Variants in UNC13C observed in about 807,000 individuals in gnomAD.
The protein encoded by UNC13C is protein unc-13 homolog C.
A neutral mutation model predicts 245.4 loss-of-function variants in UNC13C; 174 were observed. The observed-to-expected ratio is 0.71, with a 90% CI of 0.63 to 0.80. UNC13C has a LOEUF of 0.80. UNC13C is among the 30% of genes least tolerant of loss of function. The pLI is 0.00. For synonymous variants in UNC13C, 992 were observed against 895.1 expected, an observed-to-expected ratio of 1.11 and a Z score of -1.93; for missense variants, 2,829 against 2,602.9, an observed-to-expected ratio of 1.09 and a Z score of -1.89.
chr15:54,174,404 T>G (rs770677993), intron 4 of UNC13C, among the ~76,000 whole-genome samples: 1 of 152,190 alleles, frequency 6.6e-6, no homozygotes. Flanking sequence ...TCAACTTTCA[T>G]TTATTTGTGG....
chr15:53,874,961 GCA>G, the UNC13C span, among the ~76,000 whole-genome samples: 6 of 152,078 alleles, frequency 3.9e-5, no homozygotes, highest in East Asian at 5.8e-4. Flanking sequence ...GGGTGTGGTG[GCA>G]TGCACCTGAA....
At chr15:54,483,175 C>A (rs1385275067) in intron 19 of UNC13C, among the ~76,000 whole-genome samples, 1 of 152,142 alleles carries the variant, frequency 6.6e-6, no homozygotes, top group African/African-American at 2.4e-5. Flanking sequence ...AATAAGACAT[C>A]ATCTTACCAC....
At chr15:54,301,838 G>A (rs1404314598) in intron 13 of UNC13C, among the ~76,000 whole-genome samples, 1 of 152,028 alleles carries the variant, frequency 6.6e-6, no homozygotes, top group Non-Finnish European at 1.5e-5. Context: ...GGTATTTCTA[G>A]TTCTAGATCC....
chr15:53,848,024 C>G, the UNC13C span, among the ~76,000 whole-genome samples: 2 of 152,138 alleles, frequency 1.3e-5, no homozygotes, highest in East Asian at 1.9e-4. Context: ...TTCCTTATCA[C>G]CCTTATAATG....
chr15:54,625,748 A>G (rs1345386700), intron 32 of UNC13C, among the ~76,000 whole-genome samples: 2 of 152,150 alleles, frequency 1.3e-5, no homozygotes, highest in Non-Finnish European at 2.9e-5. Flanking sequence ...AAGGGTCCTA[A>G]TAGATCACAT....
chr15:53,903,722 C>T, the UNC13C span, among the ~76,000 whole-genome samples: 4 of 152,070 alleles, frequency 2.6e-5, no homozygotes, highest in South Asian at 2.1e-4. Context: ...AGTATCTTCT[C>T]GGAAAATTGG....
upstream of UNC13C, among the ~76,000 whole-genome samples, chr15:53,977,110 T>C (rs1389694974): frequency 2.0e-5 from 3 of 152,122 alleles, no homozygotes; most frequent in East Asian, 5.8e-4. Flanking sequence ...TCATTAGACC[T>C]TGAGCAGCTG....
intron 1 of UNC13C, among the ~76,000 whole-genome samples, chr15:54,010,621 T>C (rs1443785498): frequency 1.3e-5 from 2 of 152,006 alleles, no homozygotes; most frequent in Non-Finnish European, 2.9e-5. Flanking sequence ...TGACAGAAAA[T>C]AAGGCTGCTA....
At chr15:53,849,076 A>C in the UNC13C span, among the ~76,000 whole-genome samples, 2 of 151,594 alleles carry the variant, frequency 1.3e-5, no homozygotes, top group Admixed American at 6.6e-5. Flanking sequence ...TTTATATTTA[A>C]AGTGAATTTA....
At chr15:54,212,738 A>G (rs1326200879) in intron 4 of UNC13C, among the ~76,000 whole-genome samples, 2 of 152,116 alleles carry the variant, frequency 1.3e-5, no homozygotes, top group Non-Finnish European at 1.5e-5. Context: ...GACAGTCGCT[A>G]GCAGAGTTGA....
chr15:53,902,956 G>T, the UNC13C span, among the ~76,000 whole-genome samples: 1 of 152,194 alleles, frequency 6.6e-6, no homozygotes, highest in Admixed American at 6.5e-5. Context: ...AGGGACAGTG[G>T]TGGGGCTGGA....
chr15:54,352,592 A>G (rs1283566275), intron 17 of UNC13C, among the ~76,000 whole-genome samples: 1 of 151,954 alleles, frequency 6.6e-6, no homozygotes, highest in East Asian at 1.9e-4. Context: ...AAACAAAAAT[A>G]CAGCAATTAA....
At chr15:53,965,466 T>G in the UNC13C span, among the ~76,000 whole-genome samples, 1 of 151,916 alleles carries the variant, frequency 6.6e-6, no homozygotes, top group Non-Finnish European at 1.5e-5. Flanking sequence ...GCTCTCTCCT[T>G]TTAATCAGAA....
intron 4 of UNC13C, among the ~76,000 whole-genome samples, chr15:54,165,856 C>G (rs2033145650): frequency 6.6e-6 from 1 of 151,972 alleles, no homozygotes; most frequent in African/African-American, 2.4e-5. Context: ...CTCCCTCCCT[C>G]TCTTTTTCTC....
chr15:54,510,651 G>A (rs556625295), intron 23 of UNC13C, among the ~76,000 whole-genome samples: 1 of 152,220 alleles, frequency 6.6e-6, no homozygotes, highest in East Asian at 1.9e-4. Flanking sequence ...TTTTTCAAAG[G>A]TCATTAATGT....
intron 8 of UNC13C, among the ~76,000 whole-genome samples, chr15:54,256,916 C>CT (rs1053184385): frequency 1.3e-5 from 2 of 152,156 alleles, no homozygotes; most frequent in African/African-American, 4.8e-5. Context: ...GTTTGTCTTA[C>CT]TTTAACACTG....
intron 4 of UNC13C, among the ~76,000 whole-genome samples, chr15:54,161,703 C>A (rs551871328): frequency 6.6e-6 from 1 of 152,218 alleles, no homozygotes; most frequent in Admixed American, 6.5e-5. Context: ...GTAATCCCAG[C>A]ACTTTGGGAG....
At chr15:53,917,007 A>G in the UNC13C span, among the ~76,000 whole-genome samples, 2 of 152,338 alleles carry the variant, frequency 1.3e-5, no homozygotes, top group African/African-American at 2.4e-5. Flanking sequence ...AGATGACCAG[A>G]CTATGATTTG....
intron 30 of UNC13C, among the ~76,000 whole-genome samples, chr15:54,579,153 T>C (rs1030750022): frequency 2.0e-5 from 3 of 152,134 alleles, no homozygotes; most frequent in Non-Finnish European, 4.4e-5. Flanking sequence ...AAATCTTAAG[T>C]TAATAAAAGT....
Sources: gnomAD v4.1 joint callset for allele counts (sites outside exome capture counted in the v4.1 genomes callset) on GRCh38, gnomAD v4.1.1 for gene constraint, MANE v1.5 for transcripts, NCBI Gene and HGNC (gene_info 2026-07-23, HGNC 2026-07-21) for gene names.